Variants in CCDC97 observed in about 807,000 individuals in gnomAD.
CCDC97 encodes the protein coiled-coil domain containing 97, also known as coiled-coil domain-containing protein 97.
Under a neutral mutation model 33.9 loss-of-function variants are expected in CCDC97, and 27 were observed. The ratio of observed to expected loss-of-function variants is 0.80; its 90% CI spans 0.59 to 1.10. CCDC97 has a LOEUF of 1.10. Among genes scored for constraint, CCDC97 ranks in the 50% least tolerant of loss-of-function variants. The pLI, the probability that CCDC97 is intolerant of heterozygous loss-of-function variation, is 0.00. For missense variants in CCDC97, 422 were observed against 476.6 expected, an observed-to-expected ratio of 0.89 and a Z score of 1.07; for synonymous variants, 217 against 194.0, an observed-to-expected ratio of 1.12 and a Z score of -0.99.
intron 1 of CCDC97, among the ~76,000 whole-genome samples, chr19:41,314,942 C>A (rs923325622): frequency 6.6e-6 from 1 of 151,332 alleles, no homozygotes; most frequent in Non-Finnish European, 1.5e-5. Context: ...ATTGAGACCA[C>A]CCTGGGCAAC....
chr19:41,313,650 C>G (rs1050855472), intron 1 of CCDC97, among the ~76,000 whole-genome samples: 4 of 152,210 alleles, frequency 2.6e-5, no homozygotes, highest in Admixed American at 6.5e-5. Flanking sequence ...GCTCCCTCCA[C>G]TCTTGGGAAA....
intron 1 of CCDC97, among the ~76,000 whole-genome samples, chr19:41,314,626 C>T (rs1233758659): frequency 6.6e-6 from 1 of 152,240 alleles, no homozygotes; most frequent in African/African-American, 2.4e-5. Flanking sequence ...CAAGAGACCT[C>T]ATGGCTTAAT....
intron 1 of CCDC97, among the ~76,000 whole-genome samples, chr19:41,312,747 T>C (rs886094533): frequency 2.6e-5 from 4 of 152,160 alleles, no homozygotes; most frequent in African/African-American, 9.7e-5. Context: ...TTCCTTGGCA[T>C]GTGGCTACAT....
intron 2 of CCDC97, among the ~76,000 whole-genome samples, chr19:41,317,595 C>T (rs1329111812): frequency 6.6e-6 from 1 of 151,542 alleles, no homozygotes; most frequent in Non-Finnish European, 1.5e-5. Flanking sequence ...TGGTGGCGCC[C>T]TAGCTACTCA....
intron 1 of CCDC97, among the ~76,000 whole-genome samples, chr19:41,315,466 G>T (rs1246388455): frequency 2.0e-5 from 3 of 151,536 alleles, no homozygotes; most frequent in Non-Finnish European, 4.4e-5. Flanking sequence ...AATTAACCAG[G>T]CATTTGGCTT....
chr19:41,320,809 TC>T lies in CCDC97; in HGVS notation c.911+341del, dbSNP rs1412544009. 19 of 253,488 alleles carry T rather than the reference TC, an allele frequency of 7.5e-5. No individual in the cohort carries two copies. In the East Asian group the frequency reaches 1.7e-3, roughly 23 times the overall value. 15.7% of individuals were successfully genotyped at this position (253,488 alleles called of 1,614,324 possible). On this transcript the variant is annotated intron_variant, in intron 4 of 4. Coordinates refer to ENST00000269967, the MANE Select transcript of CCDC97 (RefSeq NM_052848.3). ...AGTCTCCCTAGGAAGCCCAACCTCT[TC>T]CGCTTCACCTTGGACCTCCTCATGC... is the stretch of plus-strand genomic sequence containing the variant.
chr19:41,323,552 C>T lies in CCDC97; in HGVS notation c.*837C>T, dbSNP rs75820821. ...GGGCAGCTCTCTTCTCTCCCCAGGACCCAGGCTGTGGATCACGGGGCCTGC... is the reference window on the plus strand; with the variant it reads ...GGGCAGCTCTCTTCTCTCCCCAGGATCCAGGCTGTGGATCACGGGGCCTGC... On this transcript the variant is annotated 3_prime_UTR_variant, in exon 5 of 5. Coordinates refer to ENST00000269967, the MANE Select transcript of CCDC97 (RefSeq NM_052848.3). 0.032 allele frequency: 4,925 copies of T among 153,328 alleles called. 121 individuals carry two copies. Among genetic ancestry groups the T allele is most frequent in the Middle Eastern group, 0.053 (16 of 302 alleles). The allele number at this position is 153,328 out of a possible 1,614,324, so 9.5% of individuals were successfully genotyped here. A position where few individuals can be genotyped will look rare whatever the true frequency, so the allele number is the denominator to read the frequency against.
chr19:41,312,821 T>C (rs1462396488), intron 1 of CCDC97, among the ~76,000 whole-genome samples: 1 of 152,186 alleles, frequency 6.6e-6, no homozygotes, highest in Non-Finnish European at 1.5e-5. Context: ...AGTCTCGCTC[T>C]GTTGACCAGG....
intron 4 of CCDC97, among the ~76,000 whole-genome samples, chr19:41,321,518 C>T (rs771919063): frequency 6.6e-6 from 1 of 152,194 alleles, no homozygotes; most frequent in East Asian, 1.9e-4. Flanking sequence ...GGGGATAAGG[C>T]GGGGACCAAA....
rs151009691 is a variant in CCDC97 at position 41,320,484 on chromosome 19, T to C, written c.911+14T>C. On this transcript the variant is annotated intron_variant, in intron 4 of 4. Coordinates refer to ENST00000269967, the MANE Select transcript of CCDC97 (RefSeq NM_052848.3). Reference sequence around the variant, plus strand: ...CTTTGACTACAGGTGCTCCTGTGCCTCCACCTCCCCATCCCCCAGCCCAGC... The same window carrying C: ...CTTTGACTACAGGTGCTCCTGTGCCCCCACCTCCCCATCCCCCAGCCCAGC... The C allele has an allele frequency of 1.7e-4, 273 of 1,613,222 alleles. No homozygotes were observed. In the South Asian group the frequency reaches 2.5e-3, roughly 15 times the overall value.
chr19:41,314,859 G>A (rs1459062792), intron 1 of CCDC97, among the ~76,000 whole-genome samples: 3 of 152,006 alleles, frequency 2.0e-5, no homozygotes, highest in Admixed American at 1.3e-4. Context: ...AAATTAGGCC[G>A]GGTCCAGTGG....
At chr19:41,321,602 A>G (rs2123064853) in intron 4 of CCDC97, among the ~76,000 whole-genome samples, 1 of 152,324 alleles carries the variant, frequency 6.6e-6, no homozygotes, top group South Asian at 2.1e-4. Flanking sequence ...CTAGCACTTC[A>G]TGGTGATGGG....
At chr19:41,319,115 C>T (rs1005024211) in intron 2 of CCDC97, among the ~76,000 whole-genome samples, 1 of 152,202 alleles carries the variant, frequency 6.6e-6, no homozygotes, top group African/African-American at 2.4e-5. Context: ...CGTGCCTGGA[C>T]ACAGTTGTAC....
rs181138342 is a variant in CCDC97, at chr19:41,317,689, C to A, written c.502+850C>A. Among the ~76,000 whole-genome samples the A allele has an allele frequency of 2.2e-5, 3 of 137,798 alleles. No individual in the cohort carries two copies. The East Asian group carries it at 6.3e-4, about 29-fold the overall frequency. The allele number at this position is 137,798 out of a possible 152,430, so 90.4% of individuals were successfully genotyped here. A position where few individuals can be genotyped will look rare whatever the true frequency, so the allele number is the denominator to read the frequency against. ...TCCCACCACTAAGCTCTAGCCTGGG[C>A]GATAAAGCCAGATCTTGTCTCAAAA... On this transcript the variant is annotated intron_variant, in intron 2 of 4. Transcript: ENST00000269967.
intron 1 of CCDC97, chr19:41,310,978 A>C (rs1406446176): frequency 1.8e-6 from 1 of 567,748 alleles, no homozygotes; most frequent in African/African-American, 2.0e-5. Context: ...AAGAATTGGT[A>C]ATTGTGGAAG....
At chr19:41,313,251 C>A (rs1471119562) in intron 1 of CCDC97, among the ~76,000 whole-genome samples, 1 of 152,172 alleles carries the variant, frequency 6.6e-6, no homozygotes, top group Non-Finnish European at 1.5e-5. Context: ...CCTCTCATTT[C>A]TCTTGGCTTT....
intron 4 of CCDC97, among the ~76,000 whole-genome samples, chr19:41,321,983 A>G (rs1024015249): frequency 2.7e-4 from 41 of 152,334 alleles, no homozygotes; most frequent in Middle Eastern, 3.4e-3. Context: ...CAAAATGTCA[A>G]AATGCCGTGG....
intron 1 of CCDC97, among the ~76,000 whole-genome samples, chr19:41,314,309 A>G (rs2037719704): frequency 6.6e-6 from 1 of 151,528 alleles, no homozygotes; most frequent in Non-Finnish European, 1.5e-5. Flanking sequence ...ACAATGGCTG[A>G]TTTTGTATTT....
intron 1 of CCDC97, among the ~76,000 whole-genome samples, chr19:41,315,296 CA>C (rs71177714): frequency 0.029 from 1,228 of 41,686 alleles, 5 homozygotes; most frequent in Middle Eastern, 0.05. Flanking sequence ...GACTCCGTCT[CA>C]AAAAAAAAAA....
Sources: allele counts gnomAD v4.1 joint callset (sites outside exome capture counted in the v4.1 genomes callset), GRCh38; gene constraint gnomAD v4.1.1; transcripts MANE v1.5; gene names NCBI Gene and HGNC (gene_info 2026-07-23, HGNC 2026-07-21).